Variants in WARS1 observed in about 807,000 individuals in gnomAD.
WARS1 encodes tryptophan--tRNA ligase, cytoplasmic.
WARS1 carries 17 observed loss-of-function variants against 47.8 expected under a neutral mutation model. That is an observed-to-expected ratio of 0.36 (90% confidence interval 0.24 to 0.53). WARS1 has a LOEUF of 0.53. Ranked by LOEUF, WARS1 falls within the 20% of genes least tolerant of loss-of-function variation. The probability of loss-of-function intolerance (pLI) is 0.91; values close to 1 mark genes in which losing one functional copy is unlikely to be tolerated. For synonymous variants in WARS1, 208 were observed against 228.1 expected, an observed-to-expected ratio of 0.91 and a Z score of 0.79; for missense variants, 434 against 608.0, an observed-to-expected ratio of 0.71 and a Z score of 3.01.
chr14:100,337,619 G>C (rs555643272), intron 9 of WARS1, among the ~76,000 whole-genome samples: 4 of 151,932 alleles, frequency 2.6e-5, no homozygotes, highest in East Asian at 3.9e-4. Flanking sequence ...GGGAGGCTGA[G>C]GGGGGAGGAT....
chr14:100,335,025 G>T lies in WARS1; in HGVS notation c.1266C>A (p.Ser422Arg), dbSNP rs775527812. ...TGAGCTCACCGGTGAGCATGGCTCC[G>T]CTGGTGTAATCCTGCCCGGAGGGAG... ...KLEQIRKDYT[S>R]GAMLTGELKK... Residue 422 changes from serine to arginine, a missense_variant, in exon 11 of 11, where the codon AGC (serine) becomes AGA (arginine). By Grantham distance (110) the Ser-to-Arg change is moderately radical (BLOSUM62 -1). Coordinates refer to ENST00000392882, the MANE Select transcript of WARS1 (RefSeq NM_004184.4). 1.2e-6 allele frequency: 2 copies of T among 1,613,702 alleles called. No homozygotes were observed. Among genetic ancestry groups the T allele is most frequent in the Non-Finnish European group, 1.7e-6 (2 of 1,179,906 alleles).
chr14:100,348,601 A>AGG (rs565823644), intron 6 of WARS1, among the ~76,000 whole-genome samples: 89 of 152,288 alleles, frequency 5.8e-4, no homozygotes, highest in Non-Finnish European at 7.4e-4. Context: ...CTGCCAAGCA[A>AGG]GCCAAGAACA....
At chr14:100,335,123 C>G in intron 10 of WARS1, 87 bp from the exon 11 acceptor site, 1 of 1,398,162 alleles carries the variant, frequency 7.2e-7, no homozygotes, top group African/African-American at 1.4e-5. Context: ...TCAGCCCACA[C>G]CACCCATGCA....
chr14:100,366,987 C>T (rs1014928970), intron 2 of WARS1: 47 of 1,266,132 alleles, frequency 3.7e-5, no homozygotes, highest in Non-Finnish European at 4.8e-5. Context: ...TTCACTGTAG[C>T]CTACTCGTCT....
At chr14:100,343,788 C>A (rs1400107950) in intron 7 of WARS1, among the ~76,000 whole-genome samples, 1 of 152,080 alleles carries the variant, frequency 6.6e-6, no homozygotes, top group Non-Finnish European at 1.5e-5. Context: ...CAGGTGCGTA[C>A]CACACCCAGC....
chr14:100,354,317 G>T, intron 5 of WARS1, 130 bp downstream of exon 5: 1 of 1,382,306 alleles, frequency 7.2e-7, no homozygotes, highest in Non-Finnish European at 9.7e-7. Context: ...AGCCAAAAAA[G>T]TGCCAACTCT....
intron 6 of WARS1, among the ~76,000 whole-genome samples, chr14:100,350,399 G>GAA (rs56393656): frequency 6.2e-5 from 7 of 112,150 alleles, no homozygotes; most frequent in Non-Finnish European, 8.4e-5. Flanking sequence ...CTCAAAAAAA[G>GAA]AAAAAAAAAA....
intron 7 of WARS1, 148 bp downstream of exon 7, chr14:100,346,598 C>G (rs1475492645): frequency 3.2e-6 from 2 of 624,024 alleles, no homozygotes; most frequent in East Asian, 5.8e-5. Flanking sequence ...ACAACGATGA[C>G]CCACCCACGC....
chr14:100,355,919 A>AAAATGTAACT, intron 4 of WARS1, among the ~76,000 whole-genome samples: 1 of 152,302 alleles, frequency 6.6e-6, no homozygotes, highest in South Asian at 2.1e-4. Context: ...AGAAGAGAAA[A>AAAATGTAACT]AAATGTAACT....
At chr14:100,362,545 AC>A (rs1199948782) in intron 2 of WARS1, among the ~76,000 whole-genome samples, 1 of 151,984 alleles carries the variant, frequency 6.6e-6, no homozygotes, top group East Asian at 1.9e-4. Flanking sequence ...AAAAAAAAAA[AC>A]AAAGGTAAAA....
intron 4 of WARS1, among the ~76,000 whole-genome samples, chr14:100,358,052 G>A (rs8009578): frequency 0.68 from 104,114 of 152,094 alleles, 36,830 homozygotes; most frequent in Admixed American, 0.81. Context: ...TTGCAGAAAT[G>A]GAAAAGCTGA....
At chr14:100,339,728 G>A (rs1396106066) in intron 9 of WARS1, 1 of 152,190 alleles carries the variant, frequency 6.6e-6, no homozygotes, top group African/African-American at 2.4e-5. Flanking sequence ...TCACTGCTAT[G>A]TGGTGGCCAT....
intron 4 of WARS1, 63 bp from the exon 5 acceptor site, chr14:100,354,629 C>A (rs1179924136): frequency 5.8e-6 from 9 of 1,544,442 alleles, no homozygotes; most frequent in East Asian, 2.3e-5. Context: ...GGCACTAATG[C>A]ACTTTTGGAA....
intron 4 of WARS1, 44 bp downstream of exon 4, chr14:100,360,510 A>G: frequency 1.3e-6 from 2 of 1,485,028 alleles, no homozygotes; most frequent in Non-Finnish European, 1.8e-6. Context: ...TTTGAACTAA[A>G]AGAAGAGGAC....
Position 100,337,077 on chromosome 14 carries a change from G to A in WARS1, c.1239C>T (p.Leu413=), listed in dbSNP as rs766908671. The change falls in exon 10 of 11, where the codon CTC becomes CTT. Residue 413 remains leucine, a synonymous_variant. Coordinates refer to ENST00000392882, the MANE Select transcript of WARS1 (RefSeq NM_004184.4). ...LTFFLEDDDK[L]EQIRKDYTSG... ...CCCTGCTCACCTTCCTGATCTGCTC[G>A]AGCTTGTCGTCGTCCTCGAGGAAGA... is the stretch of plus-strand genomic sequence containing the variant. The A allele has an allele frequency of 2.5e-6, 4 of 1,613,870 alleles. No individual in the cohort carries two copies. The highest frequency in any genetic ancestry group is 3.3e-5 in the Admixed American group (2 of 60,002).
chr14:100,360,553 C>T lies in WARS1; in HGVS notation c.422+1G>A. On this transcript the variant is annotated splice_donor_variant, in intron 4 of 10. Coordinates refer to ENST00000392882, the MANE Select transcript of WARS1 (RefSeq NM_004184.4). LOFTEE classifies it high-confidence loss of function. ...AAGGCCTGTGGTGAAGAGCCCCTGA[C>T]CTGTGTGAGAAGAAGATGCCTCTGC... 6.2e-7 allele frequency: 1 copy of T among 1,611,584 alleles called. No homozygotes were observed. The highest frequency in any genetic ancestry group is 8.5e-7 in the Non-Finnish European group (1 of 1,178,324).
At chr14:100,344,845 G>A (rs1224391377) in intron 7 of WARS1, among the ~76,000 whole-genome samples, 4 of 150,666 alleles carry the variant, frequency 2.7e-5, no homozygotes, top group Admixed American at 6.6e-5. Context: ...CCCTCCGCCC[G>A]GCAACCGCCC....
At chr14:100,374,240 T>A (rs577087233) in intron 1 of WARS1, 1 of 152,330 alleles carries the variant, frequency 6.6e-6, no homozygotes, top group Admixed American at 6.5e-5. Context: ...GAGAAGTAGA[T>A]TCACCTGTTT....
intron 2 of WARS1, chr14:100,365,982 A>G: frequency 2.2e-6 from 1 of 455,764 alleles, no homozygotes. Flanking sequence ...GCGGGTTATG[A>G]AAACAGGAGC....
Sources: gnomAD v4.1 joint callset for allele counts (sites outside exome capture counted in the v4.1 genomes callset) on GRCh38, gnomAD v4.1.1 for gene constraint, MANE v1.5 for transcripts, NCBI Gene and HGNC (gene_info 2026-07-23, HGNC 2026-07-21) for gene names.